ERAP1: variants seen among roughly 807,000 people sequenced by gnomAD.
The protein encoded by ERAP1 is adipocyte-derived leucine aminopeptidase.
A neutral mutation model predicts 103.7 loss-of-function variants in ERAP1; 86 were observed. That is an observed-to-expected ratio of 0.83 (90% CI 0.70 to 0.99). The LOEUF is 0.99. Ranked by LOEUF, ERAP1 falls within the 50% of genes least tolerant of loss-of-function variation. The pLI is 0.00. For missense variants in ERAP1, 1,009 were observed against 1,128.4 expected (o/e 0.89, Z 1.52); for synonymous variants, 398 against 402.4 (o/e 0.99, Z 0.13).
the ERAP1 span, among the ~76,000 whole-genome samples, chr5:96,829,036 A>T: frequency 6.6e-6 from 1 of 152,070 alleles, no homozygotes; most frequent in South Asian, 2.1e-4. Context: ...TAGTAGAGAC[A>T]GAGGTTTCAC....
chr5:96,776,851 C>G, intron 18 of ERAP1: 1 of 231,620 alleles, frequency 4.3e-6, no homozygotes, highest in Non-Finnish European at 7.3e-6. Flanking sequence ...ATGTGTTATT[C>G]TGTTCTGTTC....
chr5:96,913,091 T>C, the ERAP1 span, among the ~76,000 whole-genome samples: 98,944 of 152,056 alleles, frequency 0.65, 32,640 homozygotes, highest in African/African-American at 0.75. Context: ...GATGTGTAAA[T>C]GATGCTAATC....
At chr5:96,892,567 T>C in the ERAP1 span, 6 of 1,218,460 alleles carry the variant, frequency 4.9e-6, no homozygotes, top group South Asian at 7.1e-5. Context: ...GAGGGGAACT[T>C]AGAGACTACT....
the ERAP1 span, among the ~76,000 whole-genome samples, chr5:96,927,941 T>C: frequency 6.8e-6 from 1 of 148,070 alleles, no homozygotes; most frequent in Non-Finnish European, 1.5e-5. Flanking sequence ...AGTCTTGCTC[T>C]TTTGCCCAGG....
chr5:96,818,895 T>TTTATGTA, the ERAP1 span, among the ~76,000 whole-genome samples: 45 of 114,934 alleles, frequency 3.9e-4, no homozygotes, highest in Non-Finnish European at 6.4e-4. Context: ...CTGAACTGCA[T>TTTATGTA]TTATTTATTT....
the ERAP1 span, among the ~76,000 whole-genome samples, chr5:96,835,387 C>A: frequency 1.3e-5 from 2 of 152,304 alleles, no homozygotes; most frequent in Admixed American, 1.3e-4. Flanking sequence ...CTACAAGGAT[C>A]TTAAAATACA....
chr5:96,923,461 G>A, the ERAP1 span, among the ~76,000 whole-genome samples: 8 of 152,128 alleles, frequency 5.3e-5, 1 homozygote, highest in Non-Finnish European at 8.8e-5. Context: ...TTGGGAGGCC[G>A]AGGCGGGCAG....
chr5:96,778,790 G>C (rs1774726284), intron 18 of ERAP1, among the ~76,000 whole-genome samples: 1 of 152,184 alleles, frequency 6.6e-6, no homozygotes, highest in South Asian at 2.1e-4. Flanking sequence ...AGGATTGAAT[G>C]GGGGTAAGAG....
chr5:96,845,095 C>A, the ERAP1 span, among the ~76,000 whole-genome samples: 1 of 152,052 alleles, frequency 6.6e-6, no homozygotes, highest in Non-Finnish European at 1.5e-5. Context: ...GGGGGAAAAC[C>A]AAGTTTTAGC....
chr5:96,870,136 T>C, the ERAP1 span, among the ~76,000 whole-genome samples: 2 of 152,146 alleles, frequency 1.3e-5, no homozygotes, highest in Non-Finnish European at 2.9e-5. Flanking sequence ...GACCAGGGGC[T>C]GCAAAATCTG....
chr5:96,789,590 T>C (rs78552526), intron 10 of ERAP1, among the ~76,000 whole-genome samples: 2 of 151,922 alleles, frequency 1.3e-5, no homozygotes, highest in African/African-American at 4.8e-5. Context: ...AAAGTAAACA[T>C]ATAAAAAGAA....
At chr5:96,823,764 C>G in the ERAP1 span, among the ~76,000 whole-genome samples, 1 of 152,192 alleles carries the variant, frequency 6.6e-6, no homozygotes, top group African/African-American at 2.4e-5. Flanking sequence ...TAGATCTTAG[C>G]AACCTCAACA....
In ERAP1 at chr5:96,801,005, A is replaced by G; in HGVS notation, c.525-5T>C. On this transcript the variant is annotated splice_region_variant and splice_polypyrimidine_tract_variant and intron_variant, in intron 2 of 18. Coordinates refer to ENST00000443439, the MANE Select transcript of ERAP1 (RefSeq NM_001040458.3). ...AATTGTGTTGATGCTAGTATCCTAA[A>G]ATTAAGGCAAGTGAAATAAAAATTG... 6.2e-7 allele frequency: 1 copy of G among 1,613,870 alleles called. No homozygotes were observed. Among genetic ancestry groups the G allele is most frequent in the African/African-American group, 1.3e-5 (1 of 75,028 alleles).
the ERAP1 span, chr5:96,886,719 G>T: frequency 1.7e-5 from 27 of 1,554,222 alleles, no homozygotes; most frequent in Non-Finnish European, 2.2e-5. Context: ...GTAAAAATGA[G>T]TACATACCTT....
the ERAP1 span, among the ~76,000 whole-genome samples, chr5:96,830,303 C>T: frequency 6.6e-6 from 1 of 152,190 alleles, no homozygotes; most frequent in Non-Finnish European, 1.5e-5. Flanking sequence ...TAAAAATCCT[C>T]TTTGGAGGAA....
chr5:96,836,176 G>GTTTTTTTTTTTTTTTTTTTTTTTTTGTT, the ERAP1 span, among the ~76,000 whole-genome samples: 1 of 106,682 alleles, frequency 9.4e-6, no homozygotes, highest in Non-Finnish European at 1.8e-5. Flanking sequence ...CACCTCTTTG[G>GTTTTTTTTTTTTTTTTTTTTTTTTTGTT]TTTTTTTTTT....
At chr5:96,813,829 C>A in the ERAP1 span, among the ~76,000 whole-genome samples, 1 of 152,054 alleles carries the variant, frequency 6.6e-6, no homozygotes. Context: ...AGAGCTAAAT[C>A]ATTTCAAATA....
chr5:96,889,038 T>A, the ERAP1 span: 2 of 942,772 alleles, frequency 2.1e-6, no homozygotes, highest in Non-Finnish European at 3.1e-6. Flanking sequence ...TCACAGAACC[T>A]CTTATCCTTA....
At chr5:96,782,104 G>A (rs1775282189) in intron 15 of ERAP1, among the ~76,000 whole-genome samples, 1 of 151,108 alleles carries the variant, frequency 6.6e-6, no homozygotes, top group Non-Finnish European at 1.5e-5. Context: ...CCGCCCTCCC[G>A]GGTTCACGCC....
Sources: gnomAD v4.1 joint callset for allele counts (sites outside exome capture counted in the v4.1 genomes callset) on GRCh38, gnomAD v4.1.1 for gene constraint, MANE v1.5 for transcripts, NCBI Gene and HGNC (gene_info 2026-07-23, HGNC 2026-07-21) for gene names.